The following CDH4 variants were observed in gnomAD, a reference collection of about 807,000 sequenced individuals.
The protein encoded by CDH4 is cadherin 4, also known as cadherin-4.
Under a neutral mutation model 86.0 loss-of-function variants are expected in CDH4, and 33 were observed. The ratio of observed to expected loss-of-function variants is 0.38; its 90% CI spans 0.29 to 0.51. CDH4 has a LOEUF of 0.51. Ranked by LOEUF, CDH4 falls within the 20% of genes least tolerant of loss-of-function variation. The pLI is 0.86. For synonymous variants in CDH4, 555 were observed against 549.4 expected (o/e 1.01, Z -0.14); for missense variants, 1,114 against 1,307.4 (o/e 0.85, Z 2.28).
At chr20:61,617,831 T>C (rs1483093656) in intron 2 of CDH4, among the ~76,000 whole-genome samples, 1 of 152,190 alleles carries the variant, frequency 6.6e-6, no homozygotes, top group African/African-American at 2.4e-5. Flanking sequence ...AATTTCATCT[T>C]GAATTGTAGC....
chr20:61,265,413 C>T (rs1288113527), intron 2 of CDH4, among the ~76,000 whole-genome samples: 2 of 152,026 alleles, frequency 1.3e-5, no homozygotes, highest in Non-Finnish European at 2.9e-5. Context: ...TTACACATAT[C>T]TCATTGGCTC....
At chr20:61,667,057 C>T (rs370707188) in intron 2 of CDH4, among the ~76,000 whole-genome samples, 34 of 152,358 alleles carry the variant, frequency 2.2e-4, no homozygotes, top group Admixed American at 5.9e-4. Flanking sequence ...TTGGGCATGA[C>T]GCCACCATCT....
intron 6 of CDH4, among the ~76,000 whole-genome samples, chr20:61,867,914 CAG>C (rs892615074): frequency 1.3e-5 from 2 of 152,224 alleles, no homozygotes; most frequent in African/African-American, 4.8e-5. Context: ...CCGGCCATCT[CAG>C]AACGTCCAGG....
intron 2 of CDH4, among the ~76,000 whole-genome samples, chr20:61,487,851 C>T (rs1423178465): frequency 2.0e-5 from 3 of 152,146 alleles, no homozygotes; most frequent in Admixed American, 1.3e-4. Context: ...AAGTCTTGTC[C>T]GTGGAAACAG....
chr20:61,340,628 A>G (rs1481646424), intron 2 of CDH4, among the ~76,000 whole-genome samples: 1 of 150,902 alleles, frequency 6.6e-6, no homozygotes, highest in Non-Finnish European at 1.5e-5. Flanking sequence ...TGTGTTGCCC[A>G]GGCTGGAGTC....
At chr20:61,291,676 C>T (rs1055633991) in intron 2 of CDH4, among the ~76,000 whole-genome samples, 1 of 42,904 alleles carries the variant, frequency 2.3e-5, no homozygotes, top group Non-Finnish European at 5.4e-5. Flanking sequence ...CACCAGGTTA[C>T]CGGGGGTTTC....
In CDH4 at chr20:61,829,158, G is replaced by A. The variant is rs993777718; in HGVS notation, c.577-15510G>A. On this transcript the variant is annotated intron_variant, in intron 4 of 15. Coordinates refer to ENST00000614565, the MANE Select transcript of CDH4 (RefSeq NM_001794.5). This position sits in a 1 kb window ranked among gnomAD's most constrained non-coding sequence, Gnocchi z 4.2. ...GTTGGGGACCCTGCTTTAAGCAGTC[G>A]CTTCTCCTTCCCTGGCCTCGCCCCC... 2.6e-5 allele frequency among the ~76,000 whole-genome samples: 4 copies of A among 152,188 alleles called. No homozygotes were observed. The highest frequency in any genetic ancestry group is 4.1e-4 in the South Asian group (2 of 4,834).
chr20:61,928,927 C>T (rs964384287), intron 12 of CDH4, among the ~76,000 whole-genome samples: 2 of 152,194 alleles, frequency 1.3e-5, no homozygotes, highest in Non-Finnish European at 2.9e-5. Context: ...TATTCTGCCA[C>T]CTTTAGGCCA....
chr20:61,516,976 C>G lies in CDH4; in HGVS notation c.170-226587C>G, dbSNP rs1310788955. Among the ~76,000 whole-genome samples the G allele has an allele frequency of 2.6e-5, 4 of 152,114 alleles. No individual in the cohort carries two copies. Among genetic ancestry groups the G allele is most frequent in the African/African-American group, 9.7e-5 (4 of 41,424 alleles). On this transcript the variant is annotated intron_variant, in intron 2 of 15. Transcript: ENST00000614565. The surrounding 1 kb of genome is among the most constrained non-coding windows in gnomAD (Gnocchi z 4.0). ...TCAATGTATTGGGATGTCATGCACG[C>G]CCTGAAAAATGCAGGCATGATTAGT...
At chr20:61,320,769 G>A (rs540578216) in intron 2 of CDH4, among the ~76,000 whole-genome samples, 5 of 152,026 alleles carry the variant, frequency 3.3e-5, no homozygotes, top group African/African-American at 9.6e-5. Context: ...CAGATGAAGA[G>A]GCAGGAAAGG....
At position 61,623,396 on chromosome 20, in the gene CDH4, C is replaced by G. The variant is rs1231508466; in HGVS notation, c.170-120167C>G. ...CCCATCACAAAGCCCCCTTTAAACT[C>G]CCGTTTAGAACAGTGATTGAAGGTG... On this transcript the variant is annotated intron_variant, in intron 2 of 15. Coordinates refer to ENST00000614565, the MANE Select transcript of CDH4 (RefSeq NM_001794.5). The surrounding 1 kb of genome is among the most constrained non-coding windows in gnomAD (Gnocchi z 4.4). Among the ~76,000 whole-genome samples the G allele has an allele frequency of 6.6e-6, 1 of 152,182 alleles. No homozygotes were observed. The highest frequency in any genetic ancestry group is 1.5e-5 in the Non-Finnish European group (1 of 68,034).
At position 61,940,237 on chromosome 20, in the gene CDH4, T is replaced by C. The variant is rs1259463512; in HGVS notation, c.*3294T>C. ...ATTGGAATGCGTTTTACTTTTCTTTTCTCTCCTTTTTTCATTCCGATTTTT... is the reference window on the plus strand; with the variant it reads ...ATTGGAATGCGTTTTACTTTTCTTTCCTCTCCTTTTTTCATTCCGATTTTT... On this transcript the variant is annotated 3_prime_UTR_variant, in exon 16 of 16. Coordinates refer to ENST00000614565, the MANE Select transcript of CDH4 (RefSeq NM_001794.5). 1.3e-5 allele frequency: 2 copies of C among 152,162 alleles called. No homozygotes were observed. Among genetic ancestry groups the C allele is most frequent in the African/African-American group, 2.4e-5 (1 of 41,420 alleles). The allele number at this position is 152,162 out of a possible 1,614,324, so 9.4% of individuals were successfully genotyped here.
chr20:61,756,713 G>C (rs1051161975), intron 3 of CDH4, among the ~76,000 whole-genome samples: 1 of 152,080 alleles, frequency 6.6e-6, no homozygotes, highest in Admixed American at 6.5e-5. Flanking sequence ...TCCTCCGTGA[G>C]TTCCCCAGGG....
intron 4 of CDH4, among the ~76,000 whole-genome samples, chr20:61,799,342 A>G (rs1425132443): frequency 1.3e-5 from 2 of 152,262 alleles, no homozygotes; most frequent in East Asian, 1.9e-4. Flanking sequence ...GCTTCATAAT[A>G]TAAGAGGATT....
chr20:61,736,252 A>G (rs1046106941), intron 2 of CDH4, among the ~76,000 whole-genome samples: 1 of 152,112 alleles, frequency 6.6e-6, no homozygotes, highest in African/African-American at 2.4e-5. Context: ...TTCCGGTCAC[A>G]CCAGCTCTCA....
At chr20:61,436,899 G>C (rs1418588150) in intron 2 of CDH4, 1 of 152,420 alleles carries the variant, frequency 6.6e-6, no homozygotes, top group African/African-American at 2.4e-5. Flanking sequence ...AGGGTTTTTA[G>C]ATGCTCCATA....
intron 2 of CDH4, 43 bp downstream of exon 2, chr20:61,254,980 C>A: frequency 8.8e-7 from 1 of 1,141,758 alleles, no homozygotes; most frequent in Non-Finnish European, 1.3e-6. Flanking sequence ...TGCTGCCATG[C>A]TTTTCCTTGG....
intron 2 of CDH4, among the ~76,000 whole-genome samples, chr20:61,292,707 C>T (rs577041987): frequency 5.3e-5 from 8 of 152,274 alleles, no homozygotes; most frequent in East Asian, 3.8e-4. Flanking sequence ...CGCCCTTATG[C>T]GGAGATTTCT....
chr20:61,413,417 T>C (rs1013162574), intron 2 of CDH4, among the ~76,000 whole-genome samples: 2 of 152,150 alleles, frequency 1.3e-5, no homozygotes, highest in African/African-American at 4.8e-5. Context: ...GGAGCCGGGC[T>C]TCTCCTCACC....
Sources: allele counts gnomAD v4.1 joint callset (sites outside exome capture counted in the v4.1 genomes callset), GRCh38; gene constraint gnomAD v4.1.1; non-coding constraint Gnocchi (gnomAD v3.1); transcripts MANE v1.5; gene names NCBI Gene and HGNC (gene_info 2026-07-23, HGNC 2026-07-21).